Variants in C1GALT1 observed in about 807,000 individuals in gnomAD.
C1GALT1 encodes core 1 synthase, glycoprotein-N-acetylgalactosamine 3-beta-galactosyltransferase 1, also known as glycoprotein-N-acetylgalactosamine 3-beta-galactosyltransferase 1.
Under a neutral mutation model 31.0 loss-of-function variants are expected in C1GALT1, and 11 were observed. The observed-to-expected ratio is 0.36, with a 90% CI of 0.22 to 0.59. C1GALT1 has a LOEUF of 0.59. Among genes scored for constraint, C1GALT1 ranks in the 20% least tolerant of loss-of-function variants. The pLI is 0.79. For synonymous variants in C1GALT1, 175 were observed against 143.6 expected (o/e 1.22, Z -1.56); for missense variants, 424 against 425.2 (o/e 1.00, Z 0.03).
chr7:7,224,409 A>G (rs1782657516), intron 1 of C1GALT1, among the ~76,000 whole-genome samples: 5 of 150,896 alleles, frequency 3.3e-5, no homozygotes, highest in Admixed American at 3.3e-4. Context: ...AATTTTTAGA[A>G]CATCTGTTAG....
upstream of C1GALT1, among the ~76,000 whole-genome samples, chr7:7,180,977 G>T (rs548396277): frequency 6.6e-6 from 1 of 151,728 alleles, no homozygotes. Context: ...GTCCAGTATT[G>T]TTTCTAGCAA....
chr7:7,182,736 C>T lies in C1GALT1; in HGVS notation c.-102C>T, dbSNP rs1780638238. The T allele has an allele frequency of 6.5e-6, 6 of 923,452 alleles. No homozygotes were observed. Among genetic ancestry groups the T allele is most frequent in the African/African-American group, 1.8e-5 (1 of 56,090 alleles). The allele number at this position is 923,452 out of a possible 1,614,324, so 57.2% of individuals were successfully genotyped here. On this transcript the variant is annotated 5_prime_UTR_variant, in exon 1 of 4. Transcript: ENST00000436587. Reference sequence around the variant, plus strand: ...CGGCCACGAGCCACTTCTGCGGCTGCCCAGAGAAGCAAAGGTCACCAGTCC... The same window carrying T: ...CGGCCACGAGCCACTTCTGCGGCTGTCCAGAGAAGCAAAGGTCACCAGTCC...
intron 1 of C1GALT1, among the ~76,000 whole-genome samples, chr7:7,204,630 A>G (rs1293475070): frequency 1.3e-5 from 2 of 151,760 alleles, no homozygotes; most frequent in Admixed American, 6.6e-5. Context: ...TCTGGTTTTT[A>G]AAGTTGTAAA....
At chr7:7,189,630 A>C (rs990895500) in intron 1 of C1GALT1, among the ~76,000 whole-genome samples, 1 of 152,050 alleles carries the variant, frequency 6.6e-6, no homozygotes, top group East Asian at 1.9e-4. Flanking sequence ...TTTGCTGTAC[A>C]TTAAAAAAAT....
At chr7:7,167,455 A>G (rs947540940) in intron 2 of C1GALT1, among the ~76,000 whole-genome samples, 1 of 152,200 alleles carries the variant, frequency 6.6e-6, no homozygotes, top group Non-Finnish European at 1.5e-5. Flanking sequence ...CTACATGTAA[A>G]TTTATAAAAT....
rs1027505995 is a variant in C1GALT1, at chr7:7,217,296, A to G, written c.-17-17007A>G. Among the ~76,000 whole-genome samples, 14 of 152,148 alleles carry G rather than the reference A, an allele frequency of 9.2e-5. No homozygotes were observed. In the East Asian group the frequency reaches 2.7e-3, roughly 30 times the overall value. On this transcript the variant is annotated intron_variant, in intron 1 of 3. Coordinates refer to ENST00000436587, the MANE Select transcript of C1GALT1 (RefSeq NM_020156.5). ...GAAGGTAGAAGGAAGAAGCTCCCCC[A>G]TACAGAGCCGGGGAGCTGAGGGGGT...
chr7:7,202,362 C>G (rs1249768884), intron 1 of C1GALT1, among the ~76,000 whole-genome samples: 1 of 152,170 alleles, frequency 6.6e-6, no homozygotes, highest in Non-Finnish European at 1.5e-5. Flanking sequence ...GTTATGCGCC[C>G]TGTCTGCCAT....
chr7:7,232,610 C>T (rs1451541571), intron 1 of C1GALT1, among the ~76,000 whole-genome samples: 1 of 151,896 alleles, frequency 6.6e-6, no homozygotes, highest in Middle Eastern at 3.4e-3. Context: ...TTGCCTCAGT[C>T]TCCCAGGTAG....
At position 7,238,520 on chromosome 7, in the gene C1GALT1, T is replaced by G. The variant is rs533762942; in HGVS notation, c.486T>G (p.Ala162=). The G allele has an allele frequency of 1.2e-6, 2 of 1,614,138 alleles. No individual in the cohort carries two copies. The highest frequency in any genetic ancestry group is 2.2e-5 in the East Asian group (1 of 44,880). ...TTCATGAACATTATTTAGAAGATGC[T>G]GATTGGTTTTTGAAAGCAGATGATG... The part of the protein sequence containing the change: ...QYVHEHYLED[A]DWFLKADDDT... Residue 162 remains alanine, a synonymous_variant, in exon 3 of 4, where the codon GCT becomes GCG. Transcript: ENST00000436587. This position sits in a 1 kb window ranked among gnomAD's most constrained non-coding sequence, Gnocchi z 5.2.
chr7:7,194,976 A>G (rs1204444577), intron 1 of C1GALT1, among the ~76,000 whole-genome samples: 2 of 152,144 alleles, frequency 1.3e-5, no homozygotes. Context: ...GGTTCATAGT[A>G]GCCTTGAATG....
At chr7:7,183,455 T>G in intron 1 of C1GALT1, 1 of 257,894 alleles carries the variant, frequency 3.9e-6, no homozygotes, top group Non-Finnish European at 6.1e-6. Flanking sequence ...AGCAGATACG[T>G]GTGTGTTGGG....
At chr7:7,173,578 G>GT (rs1448546461) in intron 2 of C1GALT1, among the ~76,000 whole-genome samples, 2 of 152,104 alleles carry the variant, frequency 1.3e-5, no homozygotes, top group Non-Finnish European at 2.9e-5. Flanking sequence ...CATTTACCTT[G>GT]TATTAGTCTG....
chr7:7,243,404 T>C (rs1487308946), intron 3 of C1GALT1, 120 bp from the exon 4 acceptor site: 2 of 805,392 alleles, frequency 2.5e-6, no homozygotes, highest in Non-Finnish European at 3.9e-6. Flanking sequence ...TCCTCTGCTT[T>C]ACCTTGCCAT....
chr7:7,183,602 G>T, intron 1 of C1GALT1: 1 of 984,108 alleles, frequency 1.0e-6, no homozygotes, highest in Non-Finnish European at 1.2e-6. Context: ...TGGGTAAGTC[G>T]TACACTCTTA....
chr7:7,186,438 C>T (rs557875136), intron 1 of C1GALT1, among the ~76,000 whole-genome samples: 29 of 152,308 alleles, frequency 1.9e-4, no homozygotes, highest in African/African-American at 6.7e-4. Flanking sequence ...CCTGGATCTG[C>T]AGCATCATCA....
intron 2 of C1GALT1, among the ~76,000 whole-genome samples, chr7:7,172,967 C>T (rs1780470294): frequency 6.6e-6 from 1 of 152,336 alleles, no homozygotes; most frequent in African/African-American, 2.4e-5. Context: ...ACCTATTCAT[C>T]ATTCCTTCCC....
At chr7:7,173,938 A>C (rs1780479425) in intron 2 of C1GALT1, among the ~76,000 whole-genome samples, 1 of 152,122 alleles carries the variant, frequency 6.6e-6, no homozygotes, top group Non-Finnish European at 1.5e-5. Flanking sequence ...AAAATAATAT[A>C]GATTGAGTGG....
At chr7:7,212,771 C>T (rs936182468) in intron 1 of C1GALT1, among the ~76,000 whole-genome samples, 1 of 151,634 alleles carries the variant, frequency 6.6e-6, no homozygotes, top group Non-Finnish European at 1.5e-5. Context: ...AGTACATTCA[C>T]AAGGGAGGGG....
rs766877598 is a variant in C1GALT1 at position 7,238,266 on chromosome 7, G to T, written c.232G>T (p.Asp78Tyr). The change falls in exon 3 of 4, where the codon GAC becomes TAC. Residue 78 changes from aspartate (D) to tyrosine (Y), a missense_variant. Transcript: ENST00000436587. The surrounding 1 kb of genome is among the most constrained non-coding windows in gnomAD (Gnocchi z 5.2). Reference protein sequence around the residue: ...DSSQHKDENTDIAENLYQKVR... With the variant: ...DSSQHKDENTYIAENLYQKVR... Reference sequence around the variant, plus strand: ...GTTTTGTTTAATAGATGAGAACACAGACATTGCTGAAAACCTCTATCAGAA... The same window carrying T: ...GTTTTGTTTAATAGATGAGAACACATACATTGCTGAAAACCTCTATCAGAA... 1 of 1,599,586 alleles carries T rather than the reference G, an allele frequency of 6.3e-7. No homozygotes were observed. Among genetic ancestry groups the T allele is most frequent in the Non-Finnish European group, 8.5e-7 (1 of 1,175,722 alleles).
Sources: allele counts gnomAD v4.1 joint callset (sites outside exome capture counted in the v4.1 genomes callset), GRCh38; gene constraint gnomAD v4.1.1; non-coding constraint Gnocchi (gnomAD v3.1); transcripts MANE v1.5; gene names NCBI Gene and HGNC (gene_info 2026-07-23, HGNC 2026-07-21).